GATA2: variants seen among roughly 807,000 people sequenced by gnomAD.
GATA2 encodes GATA binding protein 2.
GATA2 carries 6 observed loss-of-function variants against 35.7 expected under a neutral mutation model. The ratio of observed to expected loss-of-function variants is 0.17; its 90% CI spans 0.09 to 0.33. The LOEUF is 0.33. Ranked by LOEUF, GATA2 falls within the 10% of genes least tolerant of loss-of-function variation. GATA2 has a pLI of 1.00. For synonymous variants in GATA2, 313 were observed against 274.9 expected, an observed-to-expected ratio of 1.14 and a Z score of -1.37; for missense variants, 541 against 656.6, an observed-to-expected ratio of 0.82 and a Z score of 1.92.
intron 1 of GATA2, among the ~76,000 whole-genome samples, chr3:128,492,566 G>A (rs1353394233): frequency 1.3e-5 from 2 of 152,224 alleles, no homozygotes; most frequent in Non-Finnish European, 2.9e-5. Flanking sequence ...GCGGTGGCCT[G>A]GGGATTGGGG....
chr3:128,492,514 G>T (rs1413879938), intron 1 of GATA2, among the ~76,000 whole-genome samples: 1 of 152,204 alleles, frequency 6.6e-6, no homozygotes, highest in Non-Finnish European at 1.5e-5. Flanking sequence ...CCAGCCGGCA[G>T]GTGCAGCCGC....
In GATA2 at chr3:128,480,872, G is replaced by C. The variant is rs961190181; in HGVS notation, c.*147C>G. ...GTGGGGAACATTCACAGTAACTGCTGGCAGGCTGCTGGGCGCCCTCCAGGA... is the reference window on the plus strand; with the variant it reads ...GTGGGGAACATTCACAGTAACTGCTCGCAGGCTGCTGGGCGCCCTCCAGGA... On this transcript the variant is annotated 3_prime_UTR_variant, in exon 6 of 6. Coordinates refer to ENST00000341105, the MANE Select transcript of GATA2 (RefSeq NM_032638.5). The C allele has an allele frequency of 1.1e-6, 1 of 872,876 alleles. No homozygotes were observed. Among genetic ancestry groups the C allele is most frequent in the Non-Finnish European group, 1.7e-6 (1 of 578,922 alleles). The allele number at this position is 872,876 out of a possible 1,614,324, so 54.1% of individuals were successfully genotyped here. A position where few individuals can be genotyped will look rare whatever the true frequency, so the allele number is the denominator to read the frequency against.
At chr3:128,481,970 G>A (rs1359463634) in intron 4 of GATA2, 26 bp from the exon 5 acceptor site, 2 of 1,611,150 alleles carry the variant, frequency 1.2e-6, no homozygotes, top group Non-Finnish European at 1.7e-6. Context: ...AGCGTCAGCA[G>A]GCTGGACTCC....
chr3:128,481,269 C>T lies in GATA2; in HGVS notation c.1193G>A (p.Arg398Gln), dbSNP rs1420609104. ...CTTCTTGGACTTGTTGGACATCTTC[C>T]GGTTCCGAGTCTGGATCCCTTCCTT... Reference protein sequence around the residue: ...MKKEGIQTRNRKMSNKSKKSK... With the variant: ...MKKEGIQTRNQKMSNKSKKSK... The change falls in exon 6 of 6, where the codon CGG (arginine) becomes CAG (glutamine). Residue 398 changes from arginine to glutamine, a missense_variant. Around this residue, in one of 5 missense-constraint regions of GATA2, gnomAD observed 95 missense variants for 114.0 expected, o/e 0.83. Coordinates refer to ENST00000341105, the MANE Select transcript of GATA2 (RefSeq NM_032638.5). 1.9e-6 allele frequency: 3 copies of T among 1,614,174 alleles called. No individual in the cohort carries two copies. Among genetic ancestry groups the T allele is most frequent in the Admixed American group, 1.7e-5 (1 of 60,020 alleles).
rs768399393 is a variant in GATA2, at chr3:128,481,150, C to A, written c.1312G>T (p.Ala438Ser). Reference protein sequence around the residue: ...FSAAALAGHMAPVGHLPPFSH... With the variant: ...FSAAALAGHMSPVGHLPPFSH... ...AAGGGCGGGAGGTGGCCCACAGGTG[C>A]CATGTGTCCAGCCAGGGCAGCTGCA... The change falls in exon 6 of 6, where the codon GCA becomes TCA. Residue 438 changes from alanine (A) to serine (S), a missense_variant. Physicochemically the swap from Ala to Ser is moderately conservative, Grantham distance 99. This residue lies in a region of GATA2 where 95 missense variants were observed against 114.0 expected (regional missense o/e 0.83). Coordinates refer to ENST00000341105, the MANE Select transcript of GATA2 (RefSeq NM_032638.5). The A allele has an allele frequency of 1.1e-5, 18 of 1,614,046 alleles. No homozygotes were observed. The highest frequency in any genetic ancestry group is 1.3e-5 in the Non-Finnish European group (15 of 1,180,028).
Position 128,480,404 on chromosome 3 carries a change from G to A in GATA2, c.*615C>T, listed in dbSNP as rs1407498351. 2.6e-5 allele frequency: 6 copies of A among 234,538 alleles called. No individual in the cohort carries two copies. Among genetic ancestry groups the A allele is most frequent in the South Asian group, 3.6e-4 (2 of 5,564 alleles). 14.5% of individuals were successfully genotyped at this position (234,538 alleles called of 1,614,324 possible). A position where few individuals can be genotyped will look rare whatever the true frequency, so the allele number is the denominator to read the frequency against. On this transcript the variant is annotated 3_prime_UTR_variant, in exon 6 of 6. Coordinates refer to ENST00000341105, the MANE Select transcript of GATA2 (RefSeq NM_032638.5). ...CTGGCCTGGGAATCTGTGCAGGACC[G>A]CCCGTGATTGTCTCTGCCCTCCAGG...
chr3:128,483,726 A>T, intron 4 of GATA2, 134 bp downstream of exon 4: 1 of 1,234,968 alleles, frequency 8.1e-7, no homozygotes, highest in Non-Finnish European at 1.1e-6. Context: ...CCCAACTGAC[A>T]TCCCAGTGCT....
At position 128,485,914 on chromosome 3, in the gene GATA2, G is replaced by A. The variant is rs913494641; in HGVS notation, c.684C>T (p.Pro228=). The change falls in exon 3 of 6, where the codon CCC becomes CCT. Residue 228 remains proline (P), a synonymous_variant. Transcript: ENST00000341105. ...CCATAGTAGCTAGGCCTGGGCGCAG[G>A]GGACTGCCACTTTCCATCTTCATGC... is the stretch of plus-strand genomic sequence containing the variant. ...TESMKMESGS[P]LRPGLATMGT... is the part of the protein sequence containing the mutation. The A allele has an allele frequency of 1.9e-5, 31 of 1,613,998 alleles. No individual in the cohort carries two copies. Among genetic ancestry groups the A allele is most frequent in the African/African-American group, 2.7e-5 (2 of 74,904 alleles).
rs1485395335 is a variant in GATA2, at chr3:128,488,095, C to G, written c.-45-1019G>C. Among the ~76,000 whole-genome samples, 1 of 152,122 alleles carries G rather than the reference C, an allele frequency of 6.6e-6. No homozygotes were observed. Among genetic ancestry groups the G allele is most frequent in the Non-Finnish European group, 1.5e-5 (1 of 68,000 alleles). Reference sequence around the variant, plus strand: ...CCTCAGCCGGCGGGCCCCCTCCCTGCGCGCTCCTGGCGGCCCCTGCTGCCA... The same window carrying G: ...CCTCAGCCGGCGGGCCCCCTCCCTGGGCGCTCCTGGCGGCCCCTGCTGCCA... On this transcript the variant is annotated intron_variant, in intron 1 of 5. Transcript: ENST00000341105. This position sits in a 1 kb window ranked among gnomAD's most constrained non-coding sequence, Gnocchi z 5.8.
At chr3:128,482,354 C>G (rs2068641300) in intron 4 of GATA2, among the ~76,000 whole-genome samples, 1 of 152,200 alleles carries the variant, frequency 6.6e-6, no homozygotes, top group Non-Finnish European at 1.5e-5. Context: ...TGTGTCTCCT[C>G]TAGCACGACT....
chr3:128,486,990 C>A lies in GATA2; in HGVS notation c.42G>T (p.Pro14=), dbSNP rs372722885. The A allele has an allele frequency of 1.1e-4, 172 of 1,606,842 alleles. No individual in the cohort carries two copies. Among genetic ancestry groups the A allele is most frequent in the Non-Finnish European group, 1.4e-4 (163 of 1,176,816 alleles). The change falls in exon 2 of 6, where the codon CCG becomes CCT. Residue 14 remains proline (P), a synonymous_variant. Coordinates refer to ENST00000341105, the MANE Select transcript of GATA2 (RefSeq NM_032638.5). Reference sequence around the variant, plus strand: ...CGGGGTGCTGCGCATTCAGCACGGCCGGGTGCGCCATCCAGCGCGGCTGCT... The same window carrying A: ...CGGGGTGCTGCGCATTCAGCACGGCAGGGTGCGCCATCCAGCGCGGCTGCT... The part of the protein sequence containing the change: ...APEQPRWMAH[P]AVLNAQHPDS...
intron 1 of GATA2, among the ~76,000 whole-genome samples, 188 bp downstream of exon 1, chr3:128,492,711 C>T (rs2068792246): frequency 6.6e-6 from 1 of 152,166 alleles, no homozygotes; most frequent in Non-Finnish European, 1.5e-5. Context: ...CCTGCTGTGC[C>T]CAGGTAACCA....
chr3:128,482,705 C>G (rs919555038), intron 4 of GATA2, among the ~76,000 whole-genome samples: 1 of 152,160 alleles, frequency 6.6e-6, no homozygotes, highest in Admixed American at 6.5e-5. Context: ...CCTCTGAGTC[C>G]TAGTCCCTCA....
At chr3:128,491,505 TC>T (rs371201993) in intron 1 of GATA2, among the ~76,000 whole-genome samples, 4,235 of 152,096 alleles carry the variant, frequency 0.028, 115 homozygotes, top group Middle Eastern at 0.062. Flanking sequence ...GTTCAGAAGT[TC>T]CCTTAAAGCC....
intron 1 of GATA2, chr3:128,489,369 T>A (rs1481327184): frequency 1.3e-5 from 2 of 152,326 alleles, no homozygotes; most frequent in Non-Finnish European, 2.9e-5. Context: ...GGCCTCCTCC[T>A]GCCTAGGCGT....
chr3:128,484,945 TC>T, intron 3 of GATA2, among the ~76,000 whole-genome samples: 1 of 152,218 alleles, frequency 6.6e-6, no homozygotes, highest in South Asian at 2.1e-4. Context: ...TTAAAAACCT[TC>T]CCCCTCTGTG....
chr3:128,491,390 A>G (rs972320597), intron 1 of GATA2, among the ~76,000 whole-genome samples: 1 of 152,116 alleles, frequency 6.6e-6, no homozygotes, highest in African/African-American at 2.4e-5. Context: ...CTAAGGGACT[A>G]CCTTCCATAG....
intron 5 of GATA2, 146 bp from the exon 6 acceptor site, chr3:128,481,464 A>G (rs2068627401): frequency 5.4e-6 from 5 of 924,448 alleles, no homozygotes; most frequent in Non-Finnish European, 8.6e-6. Context: ...TCCCATCACC[A>G]GATGGCTACC....
In GATA2 at chr3:128,488,398, G is replaced by C. The variant is rs963558183; in HGVS notation, c.-45-1322C>G. ...CTCGGGCGCTGTCTGGGTGGACTGG[G>C]GGTTGGGATGGTTCGGACGACAGCG... On this transcript the variant is annotated intron_variant, in intron 1 of 5. Transcript: ENST00000341105. This position sits in a 1 kb window ranked among gnomAD's most constrained non-coding sequence, Gnocchi z 5.8. The C allele has an allele frequency of 1.3e-5, 2 of 152,702 alleles. No individual in the cohort carries two copies. Among genetic ancestry groups the C allele is most frequent in the Non-Finnish European group, 2.9e-5 (2 of 68,462 alleles). The allele number at this position is 152,702 out of a possible 1,614,324, so 9.5% of individuals were successfully genotyped here. A position where few individuals can be genotyped will look rare whatever the true frequency, so the allele number is the denominator to read the frequency against.
Sources: allele counts gnomAD v4.1 joint callset (sites outside exome capture counted in the v4.1 genomes callset), GRCh38; gene constraint gnomAD v4.1.1; regional missense constraint gnomAD v4.1.1; non-coding constraint Gnocchi (gnomAD v3.1); transcripts MANE v1.5; gene names NCBI Gene and HGNC (gene_info 2026-07-23, HGNC 2026-07-21).